Variants in ABCB11 observed in about 807,000 individuals in gnomAD.
ABCB11 encodes ATP binding cassette subfamily B member 11.
ABCB11 carries 95 observed loss-of-function variants against 148.0 expected under a neutral mutation model. That is an observed-to-expected ratio of 0.64 (90% confidence interval 0.54 to 0.76). The LOEUF (loss-of-function observed/expected upper bound fraction) is 0.76, where lower values mean the gene tolerates loss of function less well. Ranked by LOEUF, ABCB11 falls within the 30% of genes least tolerant of loss-of-function variation. ABCB11 has a pLI of 0.00. For missense variants in ABCB11, 1,523 were observed against 1,617.8 expected, an observed-to-expected ratio of 0.94 and a Z score of 1.01; for synonymous variants, 591 against 555.4, an observed-to-expected ratio of 1.06 and a Z score of -0.90.
chr2:168,916,698 G>A (rs1690947383), downstream of ABCB11, among the ~76,000 whole-genome samples: 1 of 152,182 alleles, frequency 6.6e-6, no homozygotes, highest in Non-Finnish European at 1.5e-5. Context: ...TACTTGATCT[G>A]TAAATTTAGA....
At chr2:168,953,480 A>G (rs536053395) in intron 19 of ABCB11, among the ~76,000 whole-genome samples, 2 of 143,114 alleles carry the variant, frequency 1.4e-5, no homozygotes, top group Non-Finnish European at 3.1e-5. Context: ...TTTTTGATTT[A>G]AAGTGTTTTA....
intron 21 of ABCB11, among the ~76,000 whole-genome samples, chr2:168,942,815 G>C (rs1331523082): frequency 6.6e-6 from 1 of 151,728 alleles, no homozygotes; most frequent in Non-Finnish European, 1.5e-5. Flanking sequence ...AAGTCAAATT[G>C]ATCAATTCAG....
chr2:168,966,479 C>T (rs1693327630), intron 17 of ABCB11, among the ~76,000 whole-genome samples: 1 of 151,870 alleles, frequency 6.6e-6, no homozygotes. Flanking sequence ...CTCTCTCATC[C>T]ACTAGAAACA....
At chr2:168,998,350 G>A (rs925164911) in intron 5 of ABCB11, among the ~76,000 whole-genome samples, 1 of 152,018 alleles carries the variant, frequency 6.6e-6, no homozygotes, top group Non-Finnish European at 1.5e-5. Context: ...CAAAGTTACT[G>A]TTCAGGAATA....
At chr2:168,919,442 G>T (rs532023406), downstream of ABCB11, among the ~76,000 whole-genome samples, 3 of 152,102 alleles carry the variant, frequency 2.0e-5, no homozygotes, top group East Asian at 1.9e-4. Flanking sequence ...TTTTCTGGGG[G>T]ACATTCCTCT....
chr2:168,994,975 G>A (rs1694667573), intron 7 of ABCB11, among the ~76,000 whole-genome samples: 2 of 151,998 alleles, frequency 1.3e-5, no homozygotes, highest in African/African-American at 4.8e-5. Context: ...GTTCAATAGG[G>A]TTCGACCAAT....
Position 168,976,563 on chromosome 2 carries a change from A to C in ABCB11, c.1308+14T>G, listed in dbSNP as rs1276361817. On this transcript the variant is annotated intron_variant, in intron 12 of 27. Transcript: ENST00000650372. ...GAAAACATTTACTATTCTGGGGAAC[A>C]GACCAGCACTCACCTTCACCTCTGG... 7.1e-7 allele frequency: 1 copy of C among 1,415,714 alleles called. No individual in the cohort carries two copies. Among genetic ancestry groups the C allele is most frequent in the Non-Finnish European group, 9.7e-7 (1 of 1,026,434 alleles). The allele number at this position is 1,415,714 out of a possible 1,614,324, so 87.7% of individuals were successfully genotyped here.
At chr2:168,931,639 GGAA>G (rs1232919939) in intron 24 of ABCB11, among the ~76,000 whole-genome samples, 1 of 152,176 alleles carries the variant, frequency 6.6e-6, no homozygotes, top group East Asian at 1.9e-4. Flanking sequence ...TTATTGGACA[GGAA>G]GAAGTGATTT....
Position 168,986,339 on chromosome 2 carries a change from G to A in ABCB11, c.909-55C>T. The A allele has an allele frequency of 1.2e-5, 18 of 1,452,492 alleles. No homozygotes were observed. In the South Asian group the frequency reaches 2.0e-4, roughly 16 times the overall value. The allele number at this position is 1,452,492 out of a possible 1,614,324, so 90.0% of individuals were successfully genotyped here. On this transcript the variant is annotated intron_variant, in intron 9 of 27. Coordinates refer to ENST00000650372, the MANE Select transcript of ABCB11 (RefSeq NM_003742.4). ...CGGCAGAAACAGCTCAAGTTATAAT[G>A]TTTAAAACAGGCCGTGATGCAGTGG... is the stretch of plus-strand genomic sequence containing the variant.
At chr2:168,929,157 C>G (rs1341994967) in intron 25 of ABCB11, among the ~76,000 whole-genome samples, 1 of 151,958 alleles carries the variant, frequency 6.6e-6, no homozygotes, top group Non-Finnish European at 1.5e-5. Flanking sequence ...ATTTTCAGAC[C>G]CATATCTATG....
intron 4 of ABCB11, 87 bp downstream of exon 4, chr2:169,014,216 A>T: frequency 7.5e-7 from 1 of 1,339,300 alleles, no homozygotes; most frequent in South Asian, 1.2e-5. Flanking sequence ...AAACCTGCCA[A>T]TATGACTAAA....
chr2:168,977,038 TTTAA>T (rs1408848182), intron 11 of ABCB11, among the ~76,000 whole-genome samples: 5 of 148,518 alleles, frequency 3.4e-5, no homozygotes, highest in African/African-American at 4.9e-5. Context: ...AATTAATTTA[TTTAA>T]TTGTTATTAT....
chr2:168,969,922 G>C (rs1009235545), intron 15 of ABCB11, 123 bp downstream of exon 15: 13 of 941,344 alleles, frequency 1.4e-5, no homozygotes, highest in Admixed American at 1.9e-5. Context: ...AATCAGACTA[G>C]ATGCATGAAC....
rs1329458852 is a variant in ABCB11 at position 168,921,427 on chromosome 2, T to C, written c.*2195A>G. 6.6e-6 allele frequency among the ~76,000 whole-genome samples: 1 copy of C among 152,134 alleles called. No homozygotes were observed. Among genetic ancestry groups the C allele is most frequent in the African/African-American group, 2.4e-5 (1 of 41,420 alleles). On this transcript the variant is annotated 3_prime_UTR_variant, in exon 28 of 28. Coordinates refer to ENST00000650372, the MANE Select transcript of ABCB11 (RefSeq NM_003742.4). ...GAGAAAACATGATGGCAGGATAGGT[T>C]GGTGGGAACCGTGGGTGCAGTCCTG...
intron 10 of ABCB11, among the ~76,000 whole-genome samples, chr2:168,984,224 T>C (rs1355285615): frequency 6.6e-6 from 1 of 152,168 alleles, no homozygotes; most frequent in Non-Finnish European, 1.5e-5. Flanking sequence ...CTATTCACTG[T>C]CAAGGTTCTC....
chr2:168,932,354 C>T lies in ABCB11; in HGVS notation c.3213+23G>A, dbSNP rs555701441. On this transcript the variant is annotated intron_variant, in intron 24 of 27. Transcript: ENST00000650372. ...GACATGAACTCATCCTTTTTTATGG[C>T]TGCATAGTATTCCAACACTTACCCA... 61 of 1,544,302 alleles carry T rather than the reference C, an allele frequency of 3.9e-5. 1 individual carries two copies. The South Asian group carries it at 6.8e-4, about 17-fold the overall frequency.
Position 168,993,692 on chromosome 2 carries a change from T to G in ABCB11, c.783+19A>C, listed in dbSNP as rs774745951. 2 of 1,601,986 alleles carry G rather than the reference T, an allele frequency of 1.2e-6. No individual in the cohort carries two copies. Among genetic ancestry groups the G allele is most frequent in the South Asian group, 2.3e-5 (2 of 88,868 alleles). Reference sequence around the variant, plus strand: ...AGGCAAATGTCTTCCCATGGAGAGATGCAAAAAGACATTCTTACCAGACCA... The same window carrying G: ...AGGCAAATGTCTTCCCATGGAGAGAGGCAAAAAGACATTCTTACCAGACCA... On this transcript the variant is annotated intron_variant, in intron 8 of 27. Transcript: ENST00000650372.
chr2:168,981,695 C>T (rs570197086), intron 10 of ABCB11, among the ~76,000 whole-genome samples: 1 of 152,216 alleles, frequency 6.6e-6, no homozygotes, highest in Non-Finnish European at 1.5e-5. Flanking sequence ...GCAAAGGAAC[C>T]TTCCATTTGC....
intron 5 of ABCB11, among the ~76,000 whole-genome samples, chr2:169,001,621 G>T (rs907284984): frequency 1.3e-5 from 2 of 152,134 alleles, no homozygotes; most frequent in African/African-American, 2.4e-5. Context: ...ATCAACATTC[G>T]CTGGCATGGG....
Sources: gnomAD v4.1 joint callset for allele counts (sites outside exome capture counted in the v4.1 genomes callset) on GRCh38, gnomAD v4.1.1 for gene constraint, MANE v1.5 for transcripts, NCBI Gene and HGNC (gene_info 2026-07-23, HGNC 2026-07-21) for gene names.